Variants in MDN1 observed in about 807,000 individuals in gnomAD.
MDN1 encodes midasin.
Under a neutral mutation model 669.2 loss-of-function variants are expected in MDN1, and 266 were observed. That is an observed-to-expected ratio of 0.40 (90% confidence interval 0.36 to 0.44). The LOEUF (loss-of-function observed/expected upper bound fraction) is 0.44. Among genes scored for constraint, MDN1 ranks in the 20% least tolerant of loss-of-function variants. The pLI, the probability that MDN1 is intolerant of heterozygous loss-of-function variation, is 1.00. For synonymous variants in MDN1, 2,385 were observed against 2,457.1 expected, an observed-to-expected ratio of 0.97 and a Z score of 0.87; for missense variants, 5,940 against 6,754.0, an observed-to-expected ratio of 0.88 and a Z score of 4.22.
intron 11 of MDN1, among the ~76,000 whole-genome samples, chr6:89,779,160 C>T (rs1818514473): frequency 6.6e-6 from 1 of 151,986 alleles, no homozygotes; most frequent in Non-Finnish European, 1.5e-5. Context: ...AAACAATTTG[C>T]CAGTTCTCAA....
chr6:89,796,324 C>CAAAAAAAAAAAAAAACAAAAAAA (rs1819593546), intron 2 of MDN1, among the ~76,000 whole-genome samples: 2 of 45,376 alleles, frequency 4.4e-5, no homozygotes, highest in South Asian at 6.4e-4. Flanking sequence ...AACTCTGTCT[C>CAAAAAAAAAAAAAAACAAAAAAA]AAAAAAAAAA....
At chr6:89,790,836 C>T (rs1036552278) in intron 5 of MDN1, among the ~76,000 whole-genome samples, 5 of 152,196 alleles carry the variant, frequency 3.3e-5, no homozygotes, top group Non-Finnish European at 7.3e-5. Flanking sequence ...GCCTGGCCAA[C>T]GTGGTGAAAC....
At chr6:89,667,935 A>G in intron 84 of MDN1, 79 bp downstream of exon 84, 2 of 1,557,220 alleles carry the variant, frequency 1.3e-6, no homozygotes, top group Admixed American at 1.8e-5. Flanking sequence ...CCTAGTAAAA[A>G]CCATTTTTAT....
chr6:89,662,900 A>G lies in MDN1; in HGVS notation c.14304T>C (p.Gly4768=), dbSNP rs757834696. The G allele has an allele frequency of 2.5e-6, 4 of 1,613,846 alleles. No individual in the cohort carries two copies. The South Asian group carries it at 3.3e-5, about 13-fold the overall frequency. Residue 4768 remains glycine (G), a synonymous_variant, in exon 86 of 102, where the codon GGT becomes GGC. Coordinates refer to ENST00000369393, the MANE Select transcript of MDN1 (RefSeq NM_014611.3). ...TCTCATCTAGTTTGTCAGCTTCCTC[A>G]CCATTGAGATCGCCCATGTGTTTAT... is the stretch of plus-strand genomic sequence containing the variant. The part of the protein sequence containing the change: ...DLDKHMGDLN[G]EEADKLDERL...
At chr6:89,688,996 C>T (rs1812204995) in intron 65 of MDN1, among the ~76,000 whole-genome samples, 188 bp from the exon 66 acceptor site, 1 of 152,128 alleles carries the variant, frequency 6.6e-6, no homozygotes, top group Non-Finnish European at 1.5e-5. Context: ...ATGGTGAAAC[C>T]TCTTTTCTAC....
At position 89,749,636 on chromosome 6, in the gene MDN1, C is replaced by A; in HGVS notation, c.3522G>T (p.Leu1174Phe). The change falls in exon 25 of 102, where the codon TTG becomes TTT. Residue 1174 changes from leucine (L) to phenylalanine (F), a missense_variant. Leu to Phe is a conservative substitution (Grantham distance 22, BLOSUM62 0). Transcript: ENST00000369393. Reference sequence around the variant, plus strand: ...CAACTTCCTGTGTTTCTGTTACTAGCAATTCACGGTTATCATCCAACAGCC... The same window carrying A: ...CAACTTCCTGTGTTTCTGTTACTAGAAATTCACGGTTATCATCCAACAGCC... ...LNRLLDDNRE[L>F]LVTETQEVVK... The A allele has an allele frequency of 6.2e-7, 1 of 1,614,140 alleles. No homozygotes were observed. The highest frequency in any genetic ancestry group is 8.5e-7 in the Non-Finnish European group (1 of 1,180,014).
chr6:89,729,895 C>G (rs1325733013), intron 35 of MDN1, among the ~76,000 whole-genome samples: 5 of 151,938 alleles, frequency 3.3e-5, no homozygotes, highest in African/African-American at 9.7e-5. Flanking sequence ...GAGAATACTG[C>G]TAAGGAGAGA....
intron 79 of MDN1, 48 bp downstream of exon 79, chr6:89,674,056 A>G: frequency 6.3e-7 from 1 of 1,593,338 alleles, no homozygotes; most frequent in Non-Finnish European, 8.6e-7. Context: ...GATAAGCACA[A>G]TAAGGACCTA....
intron 5 of MDN1, among the ~76,000 whole-genome samples, chr6:89,790,829 T>G (rs1819230289): frequency 6.6e-6 from 1 of 152,212 alleles, no homozygotes; most frequent in Non-Finnish European, 1.5e-5. Context: ...GAGACCAGCC[T>G]GGCCAACGTG....
At chr6:89,673,156 T>C (rs921907687) in intron 80 of MDN1, 80 bp downstream of exon 80, 1 of 1,266,130 alleles carries the variant, frequency 7.9e-7, no homozygotes, top group African/African-American at 1.5e-5. Context: ...ATAATGTGTC[T>C]TTTGGACAAT....
intron 31 of MDN1, 122 bp downstream of exon 31, chr6:89,743,028 A>G: frequency 8.3e-7 from 1 of 1,199,782 alleles, no homozygotes; most frequent in Non-Finnish European, 1.2e-6. Context: ...GCTACAGTGA[A>G]CTATGATCAT....
intron 51 of MDN1, among the ~76,000 whole-genome samples, chr6:89,707,729 G>T (rs2128311137): frequency 6.6e-6 from 1 of 152,312 alleles, no homozygotes; most frequent in South Asian, 2.1e-4. Context: ...CTGACAAACT[G>T]CACCGTGAAC....
Position 89,683,930 on chromosome 6 carries a change from A to G in MDN1, c.11830-26T>C, listed in dbSNP as rs368704038. ...CTGTAAGATAAATGATGTTCAAGAA[A>G]TGGCTTTATAAAGCTAGTGTCATTC... On this transcript the variant is annotated intron_variant, in intron 71 of 101. Transcript: ENST00000369393. The G allele has an allele frequency of 3.5e-5, 54 of 1,555,440 alleles. 1 individual carries two copies. The Middle Eastern group carries it at 6.7e-4, about 19-fold the overall frequency.
At chr6:89,760,565 T>C (rs749437338) in intron 17 of MDN1, among the ~76,000 whole-genome samples, 2 of 152,128 alleles carry the variant, frequency 1.3e-5, no homozygotes, top group African/African-American at 2.4e-5. Flanking sequence ...AGTCAAGATA[T>C]AGAATCAACC....
chr6:89,805,330 C>T (rs1025984731), intron 1 of MDN1, among the ~76,000 whole-genome samples: 8 of 152,022 alleles, frequency 5.3e-5, no homozygotes, highest in South Asian at 2.1e-4. Context: ...TCCCTTAAGC[C>T]GACGAGTTCA....
At chr6:89,758,213 C>A (rs1817350901) in intron 19 of MDN1, 42 bp downstream of exon 19, 1 of 1,491,222 alleles carries the variant, frequency 6.7e-7, no homozygotes, top group African/African-American at 1.4e-5. Context: ...AGAGCAAGAA[C>A]CTGTTGCAAA....
At chr6:89,774,757 G>A (rs1417549368) in intron 12 of MDN1, 24 bp from the exon 13 acceptor site, 2 of 1,506,212 alleles carry the variant, frequency 1.3e-6, no homozygotes, top group Admixed American at 3.3e-5. Context: ...GATTTTACCT[G>A]AGTAAAAATC....
At chr6:89,755,131 G>A (rs1432741524) in intron 20 of MDN1, among the ~76,000 whole-genome samples, 2 of 151,894 alleles carry the variant, frequency 1.3e-5, no homozygotes, top group African/African-American at 2.4e-5. Flanking sequence ...TTAACTATAC[G>A]TATTTACACT....
intron 74 of MDN1, among the ~76,000 whole-genome samples, chr6:89,680,144 G>C (rs1428361710): frequency 6.6e-6 from 1 of 152,108 alleles, no homozygotes; most frequent in Non-Finnish European, 1.5e-5. Context: ...TGAGATCTTC[G>C]CTCTCACCTT....
Sources: allele counts gnomAD v4.1 joint callset (sites outside exome capture counted in the v4.1 genomes callset), GRCh38; gene constraint gnomAD v4.1.1; transcripts MANE v1.5; gene names NCBI Gene and HGNC (gene_info 2026-07-23, HGNC 2026-07-21).